L3MBTL4: variants seen among roughly 807,000 people sequenced by gnomAD.
L3MBTL4 encodes L3MBTL histone methyl-lysine binding protein 4, also known as lethal(3)malignant brain tumor-like protein 4.
Under a neutral mutation model 84.5 loss-of-function variants are expected in L3MBTL4, and 70 were observed. The observed-to-expected ratio is 0.83, with a 90% CI of 0.68 to 1.01. The LOEUF (loss-of-function observed/expected upper bound fraction) is 1.01, where lower values mean the gene tolerates loss of function less well. Ranked by LOEUF, L3MBTL4 falls within the 50% of genes least tolerant of loss-of-function variation. L3MBTL4 has a pLI of 0.00. For missense variants in L3MBTL4, 715 were observed against 754.8 expected (o/e 0.95, Z 0.62); for synonymous variants, 274 against 259.8 (o/e 1.05, Z -0.52).
chr18:5,982,015 G>GAA (rs111610090), intron 16 of L3MBTL4, among the ~76,000 whole-genome samples: 10 of 146,838 alleles, frequency 6.8e-5, no homozygotes, highest in South Asian at 4.3e-4. Context: ...TGTGTTTTGG[G>GAA]AAAAAAAAGG....
At chr18:6,298,607 T>C (rs895073506) in intron 4 of L3MBTL4, among the ~76,000 whole-genome samples, 1 of 152,232 alleles carries the variant, frequency 6.6e-6, no homozygotes, top group African/African-American at 2.4e-5. Flanking sequence ...GCGCAGTGGC[T>C]CATGCCTGTA....
At chr18:6,129,156 T>C (rs2059794072) in intron 14 of L3MBTL4, among the ~76,000 whole-genome samples, 2 of 152,122 alleles carry the variant, frequency 1.3e-5, no homozygotes, top group Admixed American at 1.3e-4. Context: ...AACAAACGAT[T>C]ACATGTAAAG....
intron 16 of L3MBTL4, among the ~76,000 whole-genome samples, chr18:6,005,567 C>A (rs1045452369): frequency 6.6e-6 from 1 of 152,160 alleles, no homozygotes; most frequent in Non-Finnish European, 1.5e-5. Context: ...TTAGCTCCCA[C>A]TAATAAGTGA....
intron 16 of L3MBTL4, among the ~76,000 whole-genome samples, chr18:6,011,341 G>A (rs1438052277): frequency 6.6e-6 from 1 of 152,158 alleles, no homozygotes; most frequent in Non-Finnish European, 1.5e-5. Context: ...AAGAGATAAA[G>A]GTAGATCCTC....
intron 1 of L3MBTL4, among the ~76,000 whole-genome samples, chr18:6,391,828 C>T (rs555612641): frequency 1.9e-3 from 280 of 150,190 alleles, no homozygotes; most frequent in African/African-American, 6.3e-3. Flanking sequence ...AGGATAACTG[C>T]AAAACACTGC....
At chr18:5,983,804 T>C (rs2053345324) in intron 16 of L3MBTL4, among the ~76,000 whole-genome samples, 1 of 152,172 alleles carries the variant, frequency 6.6e-6, no homozygotes. Flanking sequence ...CTGCCTCTGA[T>C]TTTTCAGTCT....
At chr18:6,276,854 A>T (rs1282148030) in intron 4 of L3MBTL4, among the ~76,000 whole-genome samples, 1 of 152,130 alleles carries the variant, frequency 6.6e-6, no homozygotes, top group Non-Finnish European at 1.5e-5. Flanking sequence ...ACTTATGAGA[A>T]ATAAGGAAGA....
chr18:5,970,169 T>A (rs547272052), intron 16 of L3MBTL4, among the ~76,000 whole-genome samples: 10 of 152,340 alleles, frequency 6.6e-5, no homozygotes, highest in African/African-American at 2.4e-4. Context: ...TGGGGTGACA[T>A]CCTGTGGCAG....
intron 5 of L3MBTL4, among the ~76,000 whole-genome samples, chr18:6,257,602 A>G (rs954243465): frequency 3.9e-5 from 6 of 152,024 alleles, no homozygotes; most frequent in Non-Finnish European, 8.8e-5. Context: ...TTTGCATTCT[A>G]AAAGGAAATG....
chr18:6,266,780 A>C (rs888988104), intron 4 of L3MBTL4, among the ~76,000 whole-genome samples: 3 of 152,090 alleles, frequency 2.0e-5, no homozygotes, highest in Non-Finnish European at 4.4e-5. Context: ...AAAATTAGCC[A>C]GGTATAATGG....
chr18:6,386,989 G>T (rs534966053), intron 1 of L3MBTL4, among the ~76,000 whole-genome samples: 24 of 152,172 alleles, frequency 1.6e-4, no homozygotes, highest in Non-Finnish European at 2.4e-4. Context: ...TGGTGGCTTG[G>T]GGGTAGATGG....
chr18:6,025,644 T>C (rs557671874), intron 16 of L3MBTL4, among the ~76,000 whole-genome samples: 1 of 152,306 alleles, frequency 6.6e-6, no homozygotes, highest in African/African-American at 2.4e-5. Flanking sequence ...ACCAGATTCG[T>C]GGAAGACATT....
At chr18:6,003,088 A>G in intron 16 of L3MBTL4, among the ~76,000 whole-genome samples, 1 of 104,198 alleles carries the variant, frequency 9.6e-6, no homozygotes, top group Non-Finnish European at 1.9e-5. Flanking sequence ...ACTATATAAA[A>G]TATAGTATCT....
chr18:6,383,168 G>A (rs1293419443), intron 1 of L3MBTL4, among the ~76,000 whole-genome samples: 1 of 152,094 alleles, frequency 6.6e-6, no homozygotes, highest in Non-Finnish European at 1.5e-5. Context: ...CCCCAACCAA[G>A]CTCAAGTGTC....
At chr18:6,323,264 G>A (rs1329112456) in intron 1 of L3MBTL4, among the ~76,000 whole-genome samples, 1 of 152,186 alleles carries the variant, frequency 6.6e-6, no homozygotes, top group Non-Finnish European at 1.5e-5. Flanking sequence ...TCATACCAAG[G>A]AGTGGAGCAT....
rs79362831 is a variant in L3MBTL4 at position 5,961,955 on chromosome 18, G to C, written c.1615-1799C>G. On this transcript the variant is annotated intron_variant, in intron 17 of 18. Coordinates refer to ENST00000317931, the MANE Select transcript of L3MBTL4 (RefSeq NM_001330559.2). ...GCTGGGGCCCAGGACACTGAGGGTGGCCTGGCTCCGTCATTCCTCAGACAA... is the reference window on the plus strand; with the variant it reads ...GCTGGGGCCCAGGACACTGAGGGTGCCCTGGCTCCGTCATTCCTCAGACAA... Among the ~76,000 whole-genome samples, 27 of 152,272 alleles carry C rather than the reference G, an allele frequency of 1.8e-4. No homozygotes were observed. In the East Asian group the frequency reaches 5.2e-3, roughly 29 times the overall value.
chr18:6,007,960 T>C (rs1342954170), intron 16 of L3MBTL4, among the ~76,000 whole-genome samples: 1 of 152,220 alleles, frequency 6.6e-6, no homozygotes, highest in Non-Finnish European at 1.5e-5. Flanking sequence ...AACTCAAGGA[T>C]ACATGAGACT....
rs530815666 is a variant in L3MBTL4, at chr18:6,257,094, C to T, written c.219+6853G>A. Among the ~76,000 whole-genome samples, 17 of 152,228 alleles carry T rather than the reference C, an allele frequency of 1.1e-4. No homozygotes were observed. The South Asian group carries it at 3.1e-3, about 28-fold the overall frequency. ...TAGTACGCTGGACACTTGATATACA[C>T]GATGTGGAATTCTTCAGGAAAATCC... On this transcript the variant is annotated intron_variant, in intron 5 of 18. Coordinates refer to ENST00000317931, the MANE Select transcript of L3MBTL4 (RefSeq NM_001330559.2).
At chr18:6,138,695 G>A (rs533279441) in intron 13 of L3MBTL4, among the ~76,000 whole-genome samples, 1 of 152,250 alleles carries the variant, frequency 6.6e-6, no homozygotes, top group South Asian at 2.1e-4. Context: ...GGAATTGCAG[G>A]CAAGCACCAC....
Sources: allele counts gnomAD v4.1 joint callset (sites outside exome capture counted in the v4.1 genomes callset), GRCh38; gene constraint gnomAD v4.1.1; transcripts MANE v1.5; gene names NCBI Gene and HGNC (gene_info 2026-07-23, HGNC 2026-07-21).